PAN3: variants seen among roughly 807,000 people sequenced by gnomAD.
The protein encoded by PAN3 is poly(A) specific ribonuclease subunit PAN3, also known as PAN2-PAN3 deadenylation complex subunit PAN3.
PAN3 carries 19 observed loss-of-function variants against 96.2 expected under a neutral mutation model. The ratio of observed to expected loss-of-function variants is 0.20; its 90% confidence interval spans 0.14 to 0.29. PAN3 has a LOEUF of 0.29. Ranked by LOEUF, PAN3 falls within the 10% of genes least tolerant of loss-of-function variation. PAN3 has a pLI of 1.00. For missense variants in PAN3, 882 were observed against 1,108.1 expected (o/e 0.80, Z 2.90); for synonymous variants, 433 against 406.6 (o/e 1.06, Z -0.78).
At chr13:28,215,308 A>G (rs1449759386) in intron 5 of PAN3, 18 of 728,112 alleles carry the variant, frequency 2.5e-5, no homozygotes, top group Non-Finnish European at 2.6e-6. Context: ...GTGTCTGTGG[A>G]CCGAGTGGAG....
At chr13:28,186,599 T>C (rs1426906631) in intron 4 of PAN3, among the ~76,000 whole-genome samples, 3 of 152,254 alleles carry the variant, frequency 2.0e-5, no homozygotes, top group African/African-American at 7.2e-5. Flanking sequence ...TTACCATCTT[T>C]GTTTAAATTC....
intron 12 of PAN3, 122 bp from the exon 13 acceptor site, chr13:28,270,579 A>G (rs961746364): frequency 3.0e-6 from 3 of 986,540 alleles, no homozygotes; most frequent in Non-Finnish European, 4.5e-6. Flanking sequence ...ACACACACAT[A>G]TATAAATTGA....
intron 18 of PAN3, among the ~76,000 whole-genome samples, chr13:28,289,529 C>G (rs989418566): frequency 6.6e-6 from 1 of 152,166 alleles, no homozygotes; most frequent in African/African-American, 2.4e-5. Flanking sequence ...CCACCCACCC[C>G]CAAAGTGTTG....
intron 6 of PAN3, among the ~76,000 whole-genome samples, chr13:28,242,177 A>G (rs1340736972): frequency 6.6e-6 from 1 of 152,170 alleles, no homozygotes; most frequent in Non-Finnish European, 1.5e-5. Context: ...TTGCTTTTAA[A>G]TAGTATTGAC....
rs113856809 is a variant in PAN3, at chr13:28,150,499, C to T, written c.430+11412C>T. Among the ~76,000 whole-genome samples the T allele has an allele frequency of 9.0e-3, 1,370 of 151,728 alleles. 21 individuals carry two copies. Among genetic ancestry groups the T allele is most frequent in the African/African-American group, 0.031 (1,299 of 41,368 alleles). On this transcript the variant is annotated intron_variant, in intron 1 of 18. Transcript: ENST00000380958. ...AATTAGCCAGGCGTGGTGGCGGGCGCGGTGACGGGCACCTGTAGTACCAGC... is the reference window on the plus strand; with the variant it reads ...AATTAGCCAGGCGTGGTGGCGGGCGTGGTGACGGGCACCTGTAGTACCAGC...
intron 2 of PAN3, among the ~76,000 whole-genome samples, chr13:28,174,826 C>T (rs1804558357): frequency 1.3e-5 from 2 of 152,138 alleles, no homozygotes; most frequent in African/African-American, 4.8e-5. Context: ...TACAAGTTTC[C>T]TGTGTATCCT....
At chr13:28,153,478 C>T (rs1871678352) in intron 1 of PAN3, among the ~76,000 whole-genome samples, 1 of 151,852 alleles carries the variant, frequency 6.6e-6, no homozygotes, top group Non-Finnish European at 1.5e-5. Context: ...ACCTTGTTGT[C>T]CTCCTGCCTT....
At chr13:28,279,387 A>G (rs1887284484) in intron 15 of PAN3, among the ~76,000 whole-genome samples, 1 of 152,182 alleles carries the variant, frequency 6.6e-6, no homozygotes, top group South Asian at 2.1e-4. Context: ...TCTGAAAATT[A>G]ATCTTTGCAA....
At chr13:28,256,620 G>A in intron 7 of PAN3, 81 bp downstream of exon 7, 2 of 1,394,724 alleles carry the variant, frequency 1.4e-6, no homozygotes, top group Non-Finnish European at 1.9e-6. Context: ...ACCCCCTCCT[G>A]CAGCTTTTTA....
chr13:28,197,131 G>C, intron 4 of PAN3, 54 bp from the exon 5 acceptor site: 1 of 1,565,308 alleles, frequency 6.4e-7, no homozygotes, highest in Non-Finnish European at 8.7e-7. Context: ...TGTTAGTTTA[G>C]ATTAGTGTGG....
At chr13:28,206,937 CTATTA>C (rs768113353) in intron 5 of PAN3, among the ~76,000 whole-genome samples, 2 of 152,088 alleles carry the variant, frequency 1.3e-5, no homozygotes, top group Non-Finnish European at 2.9e-5. Flanking sequence ...TGCACTCATT[CTATTA>C]TATTTCTGGT....
chr13:28,148,719 A>G (rs1870990405), intron 1 of PAN3, among the ~76,000 whole-genome samples: 2 of 152,084 alleles, frequency 1.3e-5, no homozygotes, highest in African/African-American at 4.8e-5. Flanking sequence ...ACACATTAAC[A>G]CACATATATA....
intron 5 of PAN3, among the ~76,000 whole-genome samples, chr13:28,202,589 A>G (rs1205633683): frequency 2.0e-5 from 3 of 152,112 alleles, no homozygotes; most frequent in Non-Finnish European, 2.9e-5. Flanking sequence ...CCTTTAAGAG[A>G]TGGCTCAAAT....
intron 15 of PAN3, 56 bp downstream of exon 15, chr13:28,277,432 C>A (rs1350785319): frequency 2.0e-6 from 3 of 1,528,274 alleles, no homozygotes; most frequent in East Asian, 2.4e-5. Context: ...TAAGACAGAG[C>A]TTTTTTTGTT....
chr13:28,205,872 A>T (rs1005526885), intron 5 of PAN3, among the ~76,000 whole-genome samples: 2 of 151,592 alleles, frequency 1.3e-5, no homozygotes, highest in Non-Finnish European at 2.9e-5. Flanking sequence ...AAAAAAAAAA[A>T]AAAAAGAAAA....
chr13:28,266,330 G>C (rs968496503), intron 9 of PAN3, among the ~76,000 whole-genome samples: 7 of 151,996 alleles, frequency 4.6e-5, no homozygotes, highest in Non-Finnish European at 1.0e-4. Flanking sequence ...AAAACATGAT[G>C]GTATTTGAAG....
intron 5 of PAN3, among the ~76,000 whole-genome samples, chr13:28,200,149 T>C (rs1878532076): frequency 6.6e-6 from 1 of 152,242 alleles, no homozygotes; most frequent in Non-Finnish European, 1.5e-5. Flanking sequence ...GCTGTAGCTC[T>C]AGTAACTACA....
At chr13:28,233,820 A>AT (rs1882833023) in intron 6 of PAN3, among the ~76,000 whole-genome samples, 1 of 152,102 alleles carries the variant, frequency 6.6e-6, no homozygotes, top group Non-Finnish European at 1.5e-5. Flanking sequence ...TTCCCTTTGT[A>AT]TTTCTGTAAA....
chr13:28,231,293 T>A (rs934507164), intron 6 of PAN3, among the ~76,000 whole-genome samples: 4 of 152,192 alleles, frequency 2.6e-5, no homozygotes. Flanking sequence ...CAGGCAAGAC[T>A]GAAGTTATGT....
Sources: gnomAD v4.1 joint callset for allele counts (sites outside exome capture counted in the v4.1 genomes callset) on GRCh38, gnomAD v4.1.1 for gene constraint, MANE v1.5 for transcripts, NCBI Gene and HGNC (gene_info 2026-07-23, HGNC 2026-07-21) for gene names.